The following C3orf22 variants were observed in gnomAD, a reference collection of about 807,000 sequenced individuals.
C3orf22 encodes chromosome 3 open reading frame 22.
C3orf22 carries 7 observed loss-of-function variants against 10.8 expected under a neutral mutation model. The observed-to-expected ratio is 0.65, with a 90% CI of 0.37 to 1.22. The LOEUF (loss-of-function observed/expected upper bound fraction) is 1.22, where lower values mean the gene tolerates loss of function less well. C3orf22 is among the 50% of genes most tolerant of loss of function. C3orf22 has a pLI of 0.02. For synonymous variants in C3orf22, 79 were observed against 78.9 expected (o/e 1.00, Z 0.00); for missense variants, 173 against 177.0 (o/e 0.98, Z 0.13).
At chr3:126,541,539 C>G (rs938374068) in intron 4 of C3orf22, among the ~76,000 whole-genome samples, 1 of 152,186 alleles carries the variant, frequency 6.6e-6, no homozygotes, top group Non-Finnish European at 1.5e-5. Context: ...TCCGTTTCTC[C>G]CAAATCTCGG....
At chr3:126,541,762 C>T (rs927454191) in intron 4 of C3orf22, 11 of 1,510,832 alleles carry the variant, frequency 7.3e-6, no homozygotes, top group Non-Finnish European at 9.7e-6. Flanking sequence ...CGAAGGTGCA[C>T]CGGCAGCGGC....
At chr3:126,549,266 C>G (rs1341496233), downstream of C3orf22, among the ~76,000 whole-genome samples, 3 of 132,836 alleles carry the variant, frequency 2.3e-5, no homozygotes, top group Non-Finnish European at 4.9e-5. Context: ...CCCCCCCACA[C>G]ACACACATAC....
chr3:126,553,548 C>T, intron 1 of C3orf22, 118 bp from the exon 2 acceptor site: 1 of 673,806 alleles, frequency 1.5e-6, no homozygotes, highest in East Asian at 2.6e-5. Flanking sequence ...TGCATCACTG[C>T]CCTGTGCATG....
downstream of C3orf22, among the ~76,000 whole-genome samples, chr3:126,547,112 C>T (rs1576242744): frequency 6.6e-6 from 1 of 152,314 alleles, no homozygotes; most frequent in Middle Eastern, 3.4e-3. Context: ...CTCCACCGTG[C>T]CTCATCCTTT....
rs774964251 is a variant in C3orf22 at position 126,553,428 on chromosome 3, T to C, written c.-38A>G. The C allele has an allele frequency of 6.5e-6, 9 of 1,384,844 alleles. No individual in the cohort carries two copies. Among genetic ancestry groups the C allele is most frequent in the African/African-American group, 4.6e-5 (3 of 64,642 alleles). The allele number at this position is 1,384,844 out of a possible 1,614,324, so 85.8% of individuals were successfully genotyped here. ...TAAGCTGAGGCACACCTCTCAGCCA[T>C]GGCTGGAAGACAAGAGGAGGCGTCA... On this transcript the variant is annotated splice_region_variant and 5_prime_UTR_variant, in exon 2 of 4. The change abolishes an upstream ATG in the 5' untranslated region. Coordinates refer to ENST00000318225, the MANE Select transcript of C3orf22 (RefSeq NM_152533.3).
chr3:126,541,910 T>C (rs745388619), intron 4 of C3orf22: 31 of 1,599,512 alleles, frequency 1.9e-5, no homozygotes, highest in Non-Finnish European at 2.6e-5. Flanking sequence ...CTGCACCAAC[T>C]GGAAGCGCGT....
chr3:126,536,896 A>AACACACACACACAC (rs10670471), intron 4 of C3orf22, among the ~76,000 whole-genome samples: 135 of 140,484 alleles, frequency 9.6e-4, no homozygotes, highest in African/African-American at 2.8e-3. Flanking sequence ...CACACACACA[A>AACACACACACACAC]ACACACACAC....
At chr3:126,539,271 T>A (rs1936870230) in intron 4 of C3orf22, among the ~76,000 whole-genome samples, 1 of 152,136 alleles carries the variant, frequency 6.6e-6, no homozygotes, top group South Asian at 2.1e-4. Flanking sequence ...TAAGTCTCCC[T>A]CCACCCACCC....
Position 126,542,148 on chromosome 3 carries a change from G to A in C3orf22, c.286+7389C>T, listed in dbSNP as rs369414844. ...CCCTACAGCGCCGCCTTCCAGAGGC[G>A]CTACGGTGCACGCATCGTTCAGCGC... On this transcript the variant is annotated intron_variant and NMD_transcript_variant, in intron 4 of 5. Coordinates refer to the C3orf22 transcript ENST00000505070. The A allele has an allele frequency of 5.8e-5, 90 of 1,553,032 alleles. No individual in the cohort carries two copies. In the African/African-American group the frequency reaches 5.9e-4, roughly 10 times the overall value.
chr3:126,535,158 G>GAGAC (rs1211208306), intron 4 of C3orf22, among the ~76,000 whole-genome samples: 8 of 126,116 alleles, frequency 6.3e-5, no homozygotes, highest in South Asian at 2.8e-4. Context: ...CCCCAGCCGG[G>GAGAC]AGACAGACAG....
chr3:126,543,646 G>C (rs926420526), intron 4 of C3orf22, among the ~76,000 whole-genome samples: 2 of 149,330 alleles, frequency 1.3e-5, no homozygotes, highest in Non-Finnish European at 2.9e-5. Context: ...GTGTGACTGT[G>C]AGAGTGTGCA....
chr3:126,543,498 A>G (rs1223157123), intron 4 of C3orf22, among the ~76,000 whole-genome samples: 1 of 152,108 alleles, frequency 6.6e-6, no homozygotes, highest in Admixed American at 6.5e-5. Flanking sequence ...AAGAGAGTGC[A>G]CTGTGTAGGA....
chr3:126,542,563 C>T (rs1303652119), intron 4 of C3orf22: 3 of 1,497,870 alleles, frequency 2.0e-6, no homozygotes, highest in Non-Finnish European at 1.8e-6. Context: ...CCCCCTCCTA[C>T]CTGCGGCTGC....
chr3:126,548,214 C>T (rs938585480), downstream of C3orf22, among the ~76,000 whole-genome samples: 6 of 152,170 alleles, frequency 3.9e-5, no homozygotes, highest in South Asian at 2.1e-4. Context: ...AGGCTGGTCT[C>T]GAACTCCTGG....
At chr3:126,533,086 C>T (rs984124292) in intron 4 of C3orf22, among the ~76,000 whole-genome samples, 4 of 152,148 alleles carry the variant, frequency 2.6e-5, no homozygotes, top group African/African-American at 7.2e-5. Context: ...AATCTTGCAT[C>T]GTGCAACCTT....
Position 126,553,439 on chromosome 3 carries a change from C to T in C3orf22, c.-40-9G>A. The T allele has an allele frequency of 2.9e-6, 4 of 1,401,566 alleles. No individual in the cohort carries two copies. Among genetic ancestry groups the T allele is most frequent in the Non-Finnish European group, 4.0e-6 (4 of 995,402 alleles). 86.8% of individuals were successfully genotyped at this position (1,401,566 alleles called of 1,614,324 possible). A position where few individuals can be genotyped will look rare whatever the true frequency, so the allele number is the denominator to read the frequency against. On this transcript the variant is annotated splice_polypyrimidine_tract_variant and intron_variant, in intron 1 of 3. Transcript: ENST00000318225. ...ACACCTCTCAGCCATGGCTGGAAGACAAGAGGAGGCGTCAGAGGGGGCAGG... is the reference window on the plus strand; with the variant it reads ...ACACCTCTCAGCCATGGCTGGAAGATAAGAGGAGGCGTCAGAGGGGGCAGG...
At chr3:126,531,159 G>T (rs1010008625) in intron 4 of C3orf22, among the ~76,000 whole-genome samples, 1 of 152,274 alleles carries the variant, frequency 6.6e-6, no homozygotes, top group Non-Finnish European at 1.5e-5. Flanking sequence ...ACCAGCAGCC[G>T]CAGCCTCACC....
chr3:126,538,726 G>A (rs1483335767), intron 4 of C3orf22, among the ~76,000 whole-genome samples: 6 of 152,192 alleles, frequency 3.9e-5, no homozygotes, highest in Non-Finnish European at 7.3e-5. Flanking sequence ...CAGTCCTGAC[G>A]GTGGAAACAG....
At chr3:126,547,254 T>C (rs535368013), downstream of C3orf22, among the ~76,000 whole-genome samples, 1 of 152,336 alleles carries the variant, frequency 6.6e-6, no homozygotes, top group African/African-American at 2.4e-5. Context: ...TTCTAAAGTT[T>C]ATGGAGTAGC....
Sources: gnomAD v4.1 joint callset for allele counts (sites outside exome capture counted in the v4.1 genomes callset) on GRCh38, gnomAD v4.1.1 for gene constraint, MANE v1.5 for transcripts, NCBI Gene and HGNC (gene_info 2026-07-23, HGNC 2026-07-21) for gene names.